Variants in QTMAN observed in about 807,000 individuals in gnomAD.
The protein encoded by QTMAN is tRNA-queuosine alpha-mannosyltransferase.
At chr2:144,083,715 G>A in the QTMAN span, among the ~76,000 whole-genome samples, 1 of 152,072 alleles carries the variant, frequency 6.6e-6, no homozygotes, top group Non-Finnish European at 1.5e-5. Context: ...CCTATCCCAG[G>A]TGGACATCAG....
the QTMAN span, among the ~76,000 whole-genome samples, chr2:144,047,101 T>C: frequency 6.6e-6 from 1 of 151,980 alleles, no homozygotes; most frequent in African/African-American, 2.4e-5. Flanking sequence ...CAAAACCCTA[T>C]CTCTACTAAA....
the QTMAN span, among the ~76,000 whole-genome samples, chr2:144,070,817 G>A: frequency 1.3e-5 from 2 of 152,082 alleles, no homozygotes; most frequent in Non-Finnish European, 2.9e-5. Flanking sequence ...ATTATGTCAA[G>A]CAATATATCA....
chr2:144,248,470 C>T, the QTMAN span, among the ~76,000 whole-genome samples: 1 of 152,192 alleles, frequency 6.6e-6, no homozygotes, highest in Admixed American at 6.5e-5. Flanking sequence ...ACTCATGGCG[C>T]TATTTAAATA....
the QTMAN span, among the ~76,000 whole-genome samples, chr2:144,161,505 C>G: frequency 6.6e-6 from 1 of 152,054 alleles, no homozygotes; most frequent in Admixed American, 6.6e-5. Flanking sequence ...AATCATGTTA[C>G]TGATAGGACC....
chr2:144,055,360 C>CAT, the QTMAN span, among the ~76,000 whole-genome samples: 1 of 151,486 alleles, frequency 6.6e-6, no homozygotes, highest in Non-Finnish European at 1.5e-5. Flanking sequence ...CACACACACA[C>CAT]ACACACACCC....
At chr2:144,015,622 T>C in the QTMAN span, among the ~76,000 whole-genome samples, 78 of 152,218 alleles carry the variant, frequency 5.1e-4, no homozygotes, top group Non-Finnish European at 1.2e-4. Flanking sequence ...CAATGCATTA[T>C]ACCTTTCAAC....
chr2:144,332,208 G>C, the QTMAN span, among the ~76,000 whole-genome samples: 1 of 151,908 alleles, frequency 6.6e-6, no homozygotes, highest in Non-Finnish European at 1.5e-5. Flanking sequence ...GCGCGGTGCG[G>C]ACGGCGGCGC....
chr2:144,103,714 G>C, the QTMAN span, among the ~76,000 whole-genome samples: 1 of 152,102 alleles, frequency 6.6e-6, no homozygotes, highest in Non-Finnish European at 1.5e-5. Flanking sequence ...ATTTAGAAAT[G>C]GTAATCTGAA....
the QTMAN span, among the ~76,000 whole-genome samples, chr2:144,154,872 C>T: frequency 6.6e-6 from 1 of 152,144 alleles, no homozygotes; most frequent in African/African-American, 2.4e-5. Context: ...CTGTCTTATT[C>T]CCCATCCTAG....
the QTMAN span, among the ~76,000 whole-genome samples, chr2:144,036,731 C>A: frequency 0.1 from 15,420 of 152,076 alleles, 1,185 homozygotes; most frequent in East Asian, 0.25. Flanking sequence ...ACCTTAATGG[C>A]AGGTTGGCAT....
chr2:144,090,453 T>C, the QTMAN span, among the ~76,000 whole-genome samples: 3 of 152,048 alleles, frequency 2.0e-5, no homozygotes, highest in African/African-American at 2.4e-5. Flanking sequence ...CATTATTAAC[T>C]ATGTAGAAAA....
At chr2:144,007,687 T>G in the QTMAN span, 1 of 572,450 alleles carries the variant, frequency 1.7e-6, no homozygotes, top group Non-Finnish European at 2.9e-6. Flanking sequence ...TAAAAAGTAG[T>G]AGCCACTAAG....
the QTMAN span, among the ~76,000 whole-genome samples, chr2:144,194,563 G>C: frequency 2.0e-5 from 3 of 152,146 alleles, no homozygotes; most frequent in Non-Finnish European, 4.4e-5. Context: ...CCTAATTTGT[G>C]GTTTGGAGTT....
chr2:144,070,363 C>T, the QTMAN span, among the ~76,000 whole-genome samples: 1 of 152,136 alleles, frequency 6.6e-6, no homozygotes, highest in South Asian at 2.1e-4. Context: ...CTAAATGTAT[C>T]TAGTACCAAC....
chr2:144,176,810 TGGA>T, the QTMAN span, among the ~76,000 whole-genome samples: 1 of 152,184 alleles, frequency 6.6e-6, no homozygotes, highest in African/African-American at 2.4e-5. Flanking sequence ...ACCATCTCCT[TGGA>T]CACTGTACTA....
the QTMAN span, among the ~76,000 whole-genome samples, chr2:144,092,699 T>C: frequency 6.6e-6 from 1 of 152,304 alleles, no homozygotes; most frequent in South Asian, 2.1e-4. Flanking sequence ...CTAAGTGATC[T>C]TGAGGTAGTA....
At chr2:144,061,396 T>C in the QTMAN span, among the ~76,000 whole-genome samples, 1 of 152,250 alleles carries the variant, frequency 6.6e-6, no homozygotes, top group Admixed American at 6.5e-5. Flanking sequence ...TTTGAATTGC[T>C]TTATTAATTA....
the QTMAN span, among the ~76,000 whole-genome samples, chr2:144,014,310 G>A: frequency 4.6e-5 from 7 of 152,136 alleles, no homozygotes; most frequent in African/African-American, 1.7e-4. Context: ...TGCTCTGGGG[G>A]AATACCCGCT....
chr2:144,156,443 G>A, the QTMAN span, among the ~76,000 whole-genome samples: 3 of 152,042 alleles, frequency 2.0e-5, no homozygotes, highest in African/African-American at 7.2e-5. Flanking sequence ...ATCTGCAACA[G>A]AAAAAGAATC....
Sources: allele counts gnomAD v4.1 joint callset (sites outside exome capture counted in the v4.1 genomes callset), GRCh38; gene constraint gnomAD v4.1.1; transcripts MANE v1.5; gene names NCBI Gene and HGNC (gene_info 2026-07-23, HGNC 2026-07-21).